PARN: variants seen among roughly 807,000 people sequenced by gnomAD.
PARN encodes poly(A)-specific ribonuclease PARN.
Under a neutral mutation model 102.8 loss-of-function variants are expected in PARN, and 71 were observed. The observed-to-expected ratio is 0.69, with a 90% CI of 0.57 to 0.84. PARN has a LOEUF of 0.84. PARN is among the 40% of genes least tolerant of loss of function. PARN has a pLI of 0.00. For synonymous variants in PARN, 261 were observed against 252.9 expected (o/e 1.03, Z -0.30); for missense variants, 782 against 760.9 (o/e 1.03, Z -0.33).
intron 21 of PARN, 63 bp downstream of exon 21, chr16:14,551,958 G>T: frequency 1.0e-6 from 1 of 994,132 alleles, no homozygotes; most frequent in South Asian, 1.3e-5. Context: ...TAAATTAAGG[G>T]GGCAGTGGGA....
chr16:14,593,492 T>TAA (rs35329440), intron 12 of PARN, 114 bp from the exon 13 acceptor site: 909 of 31,690 alleles, frequency 0.029, 141 homozygotes, highest in Admixed American at 0.056. Context: ...TTTCCAGACT[T>TAA]AAAAAAAAAA....
chr16:14,549,020 G>T (rs1166131416), intron 21 of PARN, among the ~76,000 whole-genome samples: 1 of 151,922 alleles, frequency 6.6e-6, no homozygotes, highest in African/African-American at 2.4e-5. Context: ...GGAGGGGAAG[G>T]AAACATTGGA....
chr16:14,589,327 T>C (rs1300903785), intron 13 of PARN, among the ~76,000 whole-genome samples: 1 of 151,968 alleles, frequency 6.6e-6, no homozygotes, highest in African/African-American at 2.4e-5. Flanking sequence ...TTTGGGAGAC[T>C]GAGGTGGGCA....
At chr16:14,610,153 T>C (rs927720239) in intron 7 of PARN, among the ~76,000 whole-genome samples, 1 of 152,232 alleles carries the variant, frequency 6.6e-6, no homozygotes, top group Non-Finnish European at 1.5e-5. Flanking sequence ...TGGAACTCTA[T>C]TTACAATTTG....
intron 11 of PARN, among the ~76,000 whole-genome samples, chr16:14,601,413 G>GT (rs1470071429): frequency 2.0e-5 from 3 of 152,070 alleles, no homozygotes; most frequent in Admixed American, 2.0e-4. Flanking sequence ...TCATATGACA[G>GT]TAAGTAGAAT....
intron 21 of PARN, among the ~76,000 whole-genome samples, chr16:14,490,851 A>G (rs778562871): frequency 3.3e-5 from 5 of 152,158 alleles, no homozygotes; most frequent in Non-Finnish European, 5.9e-5. Context: ...AGCCTCTCCA[A>G]TTTACCAGAT....
intron 18 of PARN, among the ~76,000 whole-genome samples, chr16:14,561,982 T>C (rs1045638987): frequency 2.0e-5 from 3 of 149,588 alleles, no homozygotes; most frequent in Non-Finnish European, 1.5e-5. Flanking sequence ...CAAAACCCCA[T>C]CTCTACTAAA....
At chr16:14,440,436 G>A (rs900425691) in intron 23 of PARN, among the ~76,000 whole-genome samples, 7 of 152,186 alleles carry the variant, frequency 4.6e-5, no homozygotes, top group African/African-American at 1.7e-4. Flanking sequence ...CTTTGGAAAA[G>A]AGTGTATCAA....
chr16:14,544,452 G>C (rs558613068), intron 21 of PARN, among the ~76,000 whole-genome samples: 1 of 152,210 alleles, frequency 6.6e-6, no homozygotes, highest in East Asian at 1.9e-4. Context: ...GCACACACCT[G>C]TAATCTCAGC....
At chr16:14,468,039 G>C (rs1962469635) in intron 22 of PARN, among the ~76,000 whole-genome samples, 1 of 152,158 alleles carries the variant, frequency 6.6e-6, no homozygotes, top group Admixed American at 6.5e-5. Flanking sequence ...TCTTACAAGA[G>C]TCCCAAAGGC....
chr16:14,572,893 CTT>C (rs756874245), intron 18 of PARN, among the ~76,000 whole-genome samples: 17 of 144,836 alleles, frequency 1.2e-4, no homozygotes, highest in Non-Finnish European at 9.1e-5. Context: ...TGTATTTTTT[CTT>C]TTTTTTTTTT....
At chr16:14,588,078 T>A (rs939293823) in intron 13 of PARN, among the ~76,000 whole-genome samples, 2 of 152,132 alleles carry the variant, frequency 1.3e-5, no homozygotes, top group Non-Finnish European at 2.9e-5. Context: ...CTGTGGGAGT[T>A]GAGAGAAAGG....
At position 14,436,737 on chromosome 16, in the gene PARN, C is replaced by T. The variant is rs750721134; in HGVS notation, c.1900G>A (p.Glu634Lys). The T allele has an allele frequency of 2.5e-6, 4 of 1,601,476 alleles. No individual in the cohort carries two copies. The African/African-American group carries it at 5.4e-5, about 21-fold the overall frequency. Residue 634 changes from glutamate to lysine, a missense_variant, in exon 24 of 24, where the codon GAA becomes AAA. Coordinates refer to ENST00000437198, the MANE Select transcript of PARN (RefSeq NM_002582.4). Reference sequence around the variant, plus strand: ...CTTGGTTACCATGTGTCAGGAACTTCAAAGAGTGTGGCAGGGCTGTTCTTC... The same window carrying T: ...CTTGGTTACCATGTGTCAGGAACTTTAAAGAGTGTGGCAGGGCTGTTCTTC... Reference protein sequence around the residue: ...ISKNSPATLFEVPDTW With the variant: ...ISKNSPATLFKVPDTW
chr16:14,582,112 T>A, intron 17 of PARN, 69 bp downstream of exon 17: 1 of 927,336 alleles, frequency 1.1e-6, no homozygotes, highest in Admixed American at 1.7e-5. Flanking sequence ...TACAGCAGCC[T>A]AAGCCAGGAG....
At chr16:14,524,599 A>G (rs1965900439) in intron 21 of PARN, among the ~76,000 whole-genome samples, 1 of 152,254 alleles carries the variant, frequency 6.6e-6, no homozygotes. Flanking sequence ...AATTTAAAGG[A>G]AACTCTTTAC....
At chr16:14,478,362 A>G (rs1473248005) in intron 22 of PARN, among the ~76,000 whole-genome samples, 5 of 152,188 alleles carry the variant, frequency 3.3e-5, no homozygotes, top group Non-Finnish European at 7.4e-5. Flanking sequence ...ACAAGTTTTA[A>G]AGACACAGAA....
intron 21 of PARN, among the ~76,000 whole-genome samples, chr16:14,509,842 G>A (rs1438631506): frequency 3.3e-5 from 5 of 152,196 alleles, no homozygotes; most frequent in Non-Finnish European, 7.3e-5. Context: ...AGTAGAAAAG[G>A]AAGATAATGG....
intron 18 of PARN, among the ~76,000 whole-genome samples, chr16:14,577,791 C>G (rs897921096): frequency 1.3e-5 from 2 of 152,108 alleles, no homozygotes; most frequent in South Asian, 2.1e-4. Flanking sequence ...CCTCAGCCCC[C>G]CCAGTAGCTG....
chr16:14,589,394 C>T (rs914398489), intron 13 of PARN, among the ~76,000 whole-genome samples: 2 of 150,820 alleles, frequency 1.3e-5, no homozygotes, highest in African/African-American at 4.9e-5. Context: ...GAGATCCTGT[C>T]TCTACAAAAC....
Sources: allele counts gnomAD v4.1 joint callset (sites outside exome capture counted in the v4.1 genomes callset), GRCh38; gene constraint gnomAD v4.1.1; transcripts MANE v1.5; gene names NCBI Gene and HGNC (gene_info 2026-07-23, HGNC 2026-07-21).